ADAMTS3: variants seen among roughly 807,000 people sequenced by gnomAD.
ADAMTS3 encodes the protein A disintegrin and metalloproteinase with thrombospondin motifs 3.
A neutral mutation model predicts 129.0 loss-of-function variants in ADAMTS3; 73 were observed. The observed-to-expected ratio is 0.57, with a 90% CI of 0.47 to 0.69. ADAMTS3 has a LOEUF of 0.69. Ranked by LOEUF, ADAMTS3 falls within the 30% of genes least tolerant of loss-of-function variation. The probability of loss-of-function intolerance (pLI) is 0.00; values close to 1 mark genes in which losing one functional copy is unlikely to be tolerated. For missense variants in ADAMTS3, 1,457 were observed against 1,514.5 expected (o/e 0.96, Z 0.63); for synonymous variants, 477 against 510.8 (o/e 0.93, Z 0.89).
Position 72,385,087 on chromosome 4 carries a change from G to A in ADAMTS3, c.661+29728C>T, listed in dbSNP as rs561292711. 2.6e-4 allele frequency among the ~76,000 whole-genome samples: 39 copies of A among 152,142 alleles called. No individual in the cohort carries two copies. In the East Asian group the frequency reaches 6.8e-3, roughly 26 times the overall value. ...CCAGCTACTTCTACAGGCTGAGGCA[G>A]GAGAATGGCGTGAACCTGGGAGGTG... On this transcript the variant is annotated intron_variant, in intron 4 of 21. Coordinates refer to ENST00000286657, the MANE Select transcript of ADAMTS3 (RefSeq NM_014243.3).
chr4:72,522,775 TA>T (rs1720707203), intron 3 of ADAMTS3, among the ~76,000 whole-genome samples: 1 of 152,268 alleles, frequency 6.6e-6, no homozygotes, highest in East Asian at 1.9e-4. Context: ...TTGACAGTGT[TA>T]AAAATGCTTA....
chr4:72,549,985 A>G (rs1362362277), intron 2 of ADAMTS3, among the ~76,000 whole-genome samples: 1 of 30,652 alleles, frequency 3.3e-5, no homozygotes, highest in Non-Finnish European at 6.2e-5. Context: ...AAGAAGAAGA[A>G]GAAGAAGAGG....
At chr4:72,365,891 T>C (rs934714228) in intron 4 of ADAMTS3, among the ~76,000 whole-genome samples, 4 of 152,248 alleles carry the variant, frequency 2.6e-5, no homozygotes, top group South Asian at 2.1e-4. Context: ...TAACAAATAC[T>C]GATGAATTTT....
intron 21 of ADAMTS3, among the ~76,000 whole-genome samples, chr4:72,285,119 TC>T (rs1419115915): frequency 1.3e-5 from 2 of 152,138 alleles, no homozygotes; most frequent in Non-Finnish European, 2.9e-5. Context: ...ATTGAAAAAA[TC>T]CTTTTTCTAA....
intron 17 of ADAMTS3, among the ~76,000 whole-genome samples, chr4:72,301,372 G>T (rs1252337926): frequency 6.6e-6 from 1 of 152,040 alleles, no homozygotes; most frequent in Non-Finnish European, 1.5e-5. Flanking sequence ...TAAAACATTT[G>T]CAAATCATGT....
At chr4:72,293,618 A>C (rs1463062308) in intron 19 of ADAMTS3, among the ~76,000 whole-genome samples, 1 of 152,144 alleles carries the variant, frequency 6.6e-6, no homozygotes, top group Admixed American at 6.6e-5. Flanking sequence ...CTCTTTCAAT[A>C]AAATAGCTGA....
intron 3 of ADAMTS3, among the ~76,000 whole-genome samples, chr4:72,490,730 A>C (rs749970190): frequency 8.5e-4 from 129 of 151,816 alleles, no homozygotes; most frequent in Non-Finnish European, 3.8e-4. Context: ...CGTTTTAATT[A>C]GTGTAGCTTT....
chr4:72,487,234 G>A (rs1454257633), intron 3 of ADAMTS3, among the ~76,000 whole-genome samples: 2 of 151,950 alleles, frequency 1.3e-5, no homozygotes, highest in African/African-American at 2.4e-5. Context: ...AATTATATTG[G>A]CTCAATGTTC....
At chr4:72,336,921 G>A (rs936723172) in intron 5 of ADAMTS3, among the ~76,000 whole-genome samples, 1 of 151,442 alleles carries the variant, frequency 6.6e-6, no homozygotes, top group African/African-American at 2.4e-5. Context: ...GGGAACTGAC[G>A]TGGACACAAA....
At chr4:72,352,912 T>A (rs1022789681) in intron 4 of ADAMTS3, among the ~76,000 whole-genome samples, 71 of 151,804 alleles carry the variant, frequency 4.7e-4, no homozygotes, top group African/African-American at 1.6e-3. Flanking sequence ...CTAAGAGAGG[T>A]TGAAGCAAGA....
chr4:72,296,594 G>A (rs1475345846), intron 18 of ADAMTS3, among the ~76,000 whole-genome samples: 1 of 152,006 alleles, frequency 6.6e-6, no homozygotes, highest in African/African-American at 2.4e-5. Flanking sequence ...ATGTGTATGT[G>A]TGTAAATATA....
At chr4:72,490,173 C>G (rs1476574627) in intron 3 of ADAMTS3, among the ~76,000 whole-genome samples, 3 of 151,888 alleles carry the variant, frequency 2.0e-5, no homozygotes, top group African/African-American at 7.2e-5. Flanking sequence ...TGAGAAATGT[C>G]TATTCGGATC....
rs1186432269 is a variant in ADAMTS3 at position 72,517,820 on chromosome 4, TTG to T, written c.504+30656_504+30657del. Among the ~76,000 whole-genome samples the T allele has an allele frequency of 3.3e-5, 5 of 151,910 alleles. No individual in the cohort carries two copies. In the East Asian group the frequency reaches 9.7e-4, roughly 29 times the overall value. ...ATTCATTGATTTTTTGAAGGGTTTT[TTG>T]TGTCTCTATTTCCTTCAGTTCTGCT... On this transcript the variant is annotated intron_variant, in intron 3 of 21. Coordinates refer to ENST00000286657, the MANE Select transcript of ADAMTS3 (RefSeq NM_014243.3).
intron 3 of ADAMTS3, among the ~76,000 whole-genome samples, chr4:72,539,892 T>G (rs1250836276): frequency 1.3e-5 from 2 of 152,190 alleles, no homozygotes; most frequent in Non-Finnish European, 2.9e-5. Context: ...TGAGTCCAAT[T>G]AAACCTCTTT....
intron 3 of ADAMTS3, among the ~76,000 whole-genome samples, chr4:72,432,724 T>C (rs1304272272): frequency 2.0e-5 from 3 of 151,988 alleles, no homozygotes; most frequent in Non-Finnish European, 4.4e-5. Flanking sequence ...CTTCATTGTA[T>C]GCTGATGGTA....
chr4:72,519,737 G>A (rs372780146), intron 3 of ADAMTS3, among the ~76,000 whole-genome samples: 21 of 152,110 alleles, frequency 1.4e-4, no homozygotes, highest in South Asian at 8.3e-4. Flanking sequence ...TTATACATTC[G>A]TCTAAATTTT....
At chr4:72,364,742 T>C (rs187975093) in intron 4 of ADAMTS3, among the ~76,000 whole-genome samples, 1 of 152,274 alleles carries the variant, frequency 6.6e-6, no homozygotes, top group Admixed American at 6.5e-5. Flanking sequence ...AGTTCATGTT[T>C]GTTTCTTAAT....
intron 21 of ADAMTS3, among the ~76,000 whole-genome samples, chr4:72,285,814 C>T (rs1718491046): frequency 1.4e-5 from 2 of 147,780 alleles, no homozygotes; most frequent in Non-Finnish European, 3.0e-5. Flanking sequence ...AATATGGAGT[C>T]ACATGAAAAA....
intron 3 of ADAMTS3, among the ~76,000 whole-genome samples, chr4:72,470,465 C>T (rs1188868684): frequency 6.8e-6 from 1 of 147,398 alleles, no homozygotes; most frequent in East Asian, 2.0e-4. Context: ...ATAATATATA[C>T]ATATTATGAG....
Sources: gnomAD v4.1 joint callset for allele counts (sites outside exome capture counted in the v4.1 genomes callset) on GRCh38, gnomAD v4.1.1 for gene constraint, MANE v1.5 for transcripts, NCBI Gene and HGNC (gene_info 2026-07-23, HGNC 2026-07-21) for gene names.